Variants in SMARCC1 observed in about 807,000 individuals in gnomAD.
The protein encoded by SMARCC1 is SWI/SNF complex subunit SMARCC1.
In SMARCC1, 43 loss-of-function variants were observed where a neutral mutation model predicts 147.4. The ratio of observed to expected loss-of-function variants is 0.29; its 90% CI spans 0.23 to 0.38. The LOEUF (loss-of-function observed/expected upper bound fraction) is 0.38, where lower values mean the gene tolerates loss of function less well. Ranked by LOEUF, SMARCC1 falls within the 10% of genes least tolerant of loss-of-function variation. The probability of loss-of-function intolerance (pLI) is 1.00; values close to 1 mark genes in which losing one functional copy is unlikely to be tolerated. For synonymous variants in SMARCC1, 495 were observed against 484.4 expected, an observed-to-expected ratio of 1.02 and a Z score of -0.29; for missense variants, 1,119 against 1,381.1, an observed-to-expected ratio of 0.81 and a Z score of 3.01.
rs923912597 is a variant in SMARCC1, at chr3:47,707,752, G to A, written c.919-1222C>T. On this transcript the variant is annotated intron_variant, in intron 9 of 27. Transcript: ENST00000254480. ...AAGTTAGCTGGATGTAGGGGTGTGC[G>A]TCTGTGGCCCGAATTACTCAGAATA... is the stretch of plus-strand genomic sequence containing the variant. 3.3e-5 allele frequency among the ~76,000 whole-genome samples: 5 copies of A among 152,106 alleles called. No individual in the cohort carries two copies. The East Asian group carries it at 5.8e-4, about 18-fold the overall frequency.
intron 24 of SMARCC1, among the ~76,000 whole-genome samples, chr3:47,623,671 A>G (rs573248810): frequency 2.3e-4 from 35 of 152,306 alleles, no homozygotes; most frequent in Non-Finnish European, 4.3e-4. Context: ...AATGTTATAC[A>G]ATTTATATTT....
intron 25 of SMARCC1, among the ~76,000 whole-genome samples, chr3:47,621,298 CAAAA>C (rs1183934374): frequency 9.5e-5 from 6 of 63,224 alleles, no homozygotes; most frequent in African/African-American, 1.5e-4. Context: ...GACTCCGTCT[CAAAA>C]AAAAAAAAAA....
chr3:47,710,693 T>G lies in SMARCC1; in HGVS notation c.908A>C (p.Lys303Thr). The change falls in exon 9 of 28, where the codon AAG becomes ACG. Residue 303 changes from lysine (K) to threonine (T), a missense_variant. Transcript: ENST00000254480. ...PVSFRQRIST[K>T]NEEPVRSPER... ...TGCCAAAGAAAATACCTCTTCATTC[T>G]TGGTTGAAATCCGCTGACGAAAACT... 1 of 1,613,704 alleles carries G rather than the reference T, an allele frequency of 6.2e-7. No individual in the cohort carries two copies. Among genetic ancestry groups the G allele is most frequent in the Non-Finnish European group, 8.5e-7 (1 of 1,179,894 alleles).
At chr3:47,766,402 CAA>C (rs776988913) in intron 2 of SMARCC1, among the ~76,000 whole-genome samples, 3 of 124,018 alleles carry the variant, frequency 2.4e-5, no homozygotes, top group African/African-American at 3.0e-5. Context: ...CCTGTCTCTA[CAA>C]AAAAAAAAAA....
Position 47,781,735 on chromosome 3 carries a change from A to C in SMARCC1, c.63T>G (p.Ile21Met). 1 of 1,553,794 alleles carries C rather than the reference A, an allele frequency of 6.4e-7. No individual in the cohort carries two copies. The highest frequency in any genetic ancestry group is 1.2e-5 in the South Asian group (1 of 85,258). Reference sequence around the variant, plus strand: ...CAGCTAGGCCTGCGGCTGCCGCCGCAATCCCCGAGCCCGTGGCGCCTACCG... The same window carrying C: ...CAGCTAGGCCTGCGGCTGCCGCCGCCATCCCCGAGCCCGTGGCGCCTACCG... ...GTAVGATGSGIAAAAAGLAVY... is the reference protein window; with the variant it reads ...GTAVGATGSGMAAAAAGLAVY... Residue 21 changes from isoleucine to methionine, a missense_variant, in exon 1 of 28, where the codon ATT becomes ATG. Coordinates refer to ENST00000254480, the MANE Select transcript of SMARCC1 (RefSeq NM_003074.4).
At chr3:47,735,899 C>G (rs995412072) in intron 5 of SMARCC1, 135 bp downstream of exon 5, 1 of 395,620 alleles carries the variant, frequency 2.5e-6, no homozygotes, top group Non-Finnish European at 4.5e-6. Context: ...AAAAAAAACT[C>G]AAGAAAAAAA....
chr3:47,776,981 C>G (rs908130126), intron 1 of SMARCC1, among the ~76,000 whole-genome samples: 1 of 151,966 alleles, frequency 6.6e-6, no homozygotes, highest in East Asian at 1.9e-4. Context: ...TCCATGTTGG[C>G]CAGGCTGGTC....
At chr3:47,780,132 A>G (rs540087903) in intron 1 of SMARCC1, among the ~76,000 whole-genome samples, 1 of 151,644 alleles carries the variant, frequency 6.6e-6, no homozygotes, top group East Asian at 1.9e-4. Context: ...ACAAGAAAGA[A>G]AGAAATGATC....
Position 47,585,972 on chromosome 3 carries a change from ACTCCCTC to A in SMARCC1, c.*2230_*2236del. ...CATTCATTTTCTCCATTCTTGCCAA[ACTCCCTC>A]CCCTCATTTTTTCCAAAATAACAAC... On this transcript the variant is annotated 3_prime_UTR_variant, in exon 28 of 28. Transcript: ENST00000254480. The A allele has an allele frequency of 6.6e-6, 1 of 152,504 alleles. No homozygotes were observed. The highest frequency in any genetic ancestry group is 1.5e-5 in the Non-Finnish European group (1 of 67,996). The allele number at this position is 152,504 out of a possible 1,614,324, so 9.4% of individuals were successfully genotyped here.
intron 7 of SMARCC1, among the ~76,000 whole-genome samples, chr3:47,719,259 T>A (rs1259989941): frequency 6.6e-6 from 1 of 152,166 alleles, no homozygotes; most frequent in Non-Finnish European, 1.5e-5. Flanking sequence ...ATACTCGTTA[T>A]TCATACTGTA....
chr3:47,773,415 CAAAAAAA>C (rs751850101), intron 1 of SMARCC1, among the ~76,000 whole-genome samples: 11 of 71,012 alleles, frequency 1.5e-4, no homozygotes, highest in South Asian at 4.2e-4. Flanking sequence ...TGTTTTTTAC[CAAAAAAA>C]AAAAAAAAAA....
intron 26 of SMARCC1, among the ~76,000 whole-genome samples, chr3:47,596,681 G>A (rs2032288286): frequency 6.6e-6 from 1 of 151,926 alleles, no homozygotes; most frequent in Non-Finnish European, 1.5e-5. Flanking sequence ...TCCTGCCTCA[G>A]CCTCCTGTGT....
At chr3:47,630,640 T>C (rs968173869) in intron 24 of SMARCC1, among the ~76,000 whole-genome samples, 3 of 152,260 alleles carry the variant, frequency 2.0e-5, no homozygotes, top group African/African-American at 7.2e-5. Context: ...TATTTTTTCC[T>C]GACACATTGA....
At chr3:47,602,117 G>A (rs1168555088) in intron 26 of SMARCC1, among the ~76,000 whole-genome samples, 6 of 152,056 alleles carry the variant, frequency 3.9e-5, no homozygotes, top group East Asian at 1.9e-4. Context: ...GTGTAAGTAG[G>A]TGTGAGGGGC....
At chr3:47,767,754 G>T (rs1027443812) in intron 2 of SMARCC1, among the ~76,000 whole-genome samples, 72 of 151,218 alleles carry the variant, frequency 4.8e-4, no homozygotes, top group African/African-American at 1.6e-3. Context: ...TGTAATCCCA[G>T]GTCCTCGGGA....
chr3:47,668,589 A>G (rs1423026605), intron 19 of SMARCC1, among the ~76,000 whole-genome samples: 1 of 152,238 alleles, frequency 6.6e-6, no homozygotes, highest in African/African-American at 2.4e-5. Context: ...GACTTTATGA[A>G]ACAAGGTCTT....
chr3:47,644,751 G>A (rs1197768067), intron 21 of SMARCC1, among the ~76,000 whole-genome samples: 5 of 152,026 alleles, frequency 3.3e-5, no homozygotes, highest in Admixed American at 1.3e-4. Flanking sequence ...CAAGTGATCC[G>A]CCCGCCTCGG....
At chr3:47,644,300 G>T (rs913062867) in intron 21 of SMARCC1, among the ~76,000 whole-genome samples, 1 of 152,080 alleles carries the variant, frequency 6.6e-6, no homozygotes, top group Admixed American at 6.6e-5. Flanking sequence ...GGTCAATACA[G>T]TAAAAGCCCA....
intron 2 of SMARCC1, among the ~76,000 whole-genome samples, chr3:47,762,154 A>G (rs1321094536): frequency 6.6e-6 from 1 of 152,198 alleles, no homozygotes; most frequent in Non-Finnish European, 1.5e-5. Context: ...AAAATTGTTC[A>G]AAGTGAAACT....
Sources: allele counts gnomAD v4.1 joint callset (sites outside exome capture counted in the v4.1 genomes callset), GRCh38; gene constraint gnomAD v4.1.1; transcripts MANE v1.5; gene names NCBI Gene and HGNC (gene_info 2026-07-23, HGNC 2026-07-21).